The following LONRF2 variants were observed in gnomAD, a reference collection of about 807,000 sequenced individuals.
LONRF2 encodes the protein LON peptidase N-terminal domain and ring finger 2.
A neutral mutation model predicts 66.6 loss-of-function variants in LONRF2; 35 were observed. The observed-to-expected ratio is 0.53, with a 90% CI of 0.40 to 0.70. The LOEUF (loss-of-function observed/expected upper bound fraction) is 0.70. Ranked by LOEUF, LONRF2 falls within the 30% of genes least tolerant of loss-of-function variation. The pLI, the probability that LONRF2 is intolerant of heterozygous loss-of-function variation, is 0.00. For missense variants in LONRF2, 902 were observed against 1,002.1 expected, an observed-to-expected ratio of 0.90 and a Z score of 1.35; for synonymous variants, 417 against 418.1, an observed-to-expected ratio of 1.00 and a Z score of 0.03.
rs114077612 is a variant in LONRF2, at chr2:100,277,738, G to A, written c.*6560C>T. On this transcript the variant is annotated 3_prime_UTR_variant, in exon 12 of 12. Transcript: ENST00000393437. Reference sequence around the variant, plus strand: ...GCCAAAGTTAGGCAGTCGTCTTAACGCTGGATGCCCTGGTCAGCACAGCGC... The same window carrying A: ...GCCAAAGTTAGGCAGTCGTCTTAACACTGGATGCCCTGGTCAGCACAGCGC... 61 of 152,288 alleles carry A rather than the reference G, an allele frequency of 4.0e-4. No homozygotes were observed. Among genetic ancestry groups the A allele is most frequent in the African/African-American group, 1.3e-3 (54 of 41,562 alleles). 9.4% of individuals were successfully genotyped at this position (152,288 alleles called of 1,614,324 possible).
At position 100,276,956 on chromosome 2, in the gene LONRF2, A is replaced by G. The variant is rs935126834; in HGVS notation, c.*7342T>C. 1 of 152,200 alleles carries G rather than the reference A, an allele frequency of 6.6e-6. No individual in the cohort carries two copies. The highest frequency in any genetic ancestry group is 1.5e-5 in the Non-Finnish European group (1 of 68,042). The allele number at this position is 152,200 out of a possible 1,614,324, so 9.4% of individuals were successfully genotyped here. On this transcript the variant is annotated 3_prime_UTR_variant, in exon 12 of 12. Transcript: ENST00000393437. Reference sequence around the variant, plus strand: ...CACATCCGCCTTCTCCAGGAGCACAAATGAGGAAACTCATTGTCACACTCA... The same window carrying G: ...CACATCCGCCTTCTCCAGGAGCACAGATGAGGAAACTCATTGTCACACTCA...
At chr2:100,315,396 A>T (rs1675486943) in intron 1 of LONRF2, among the ~76,000 whole-genome samples, 1 of 152,174 alleles carries the variant, frequency 6.6e-6, no homozygotes, top group Non-Finnish European at 1.5e-5. Flanking sequence ...AAATAATGAC[A>T]GTTTTTTGTT....
In LONRF2 at chr2:100,294,234, G is replaced by T. The variant is rs369587155; in HGVS notation, c.1752C>A (p.His584Gln). 2.5e-6 allele frequency: 4 copies of T among 1,603,134 alleles called. No individual in the cohort carries two copies. The highest frequency in any genetic ancestry group is 1.7e-5 in the Admixed American group (1 of 57,214). ...KRFGMCLSAEHAGLSEYGCML... is the reference protein window; with the variant it reads ...KRFGMCLSAEQAGLSEYGCML... ...CAAATGCTAACAGTTCTTACCCCGC[G>T]TGCTCAGCAGATAAACACATGCCAA... The change falls in exon 9 of 12, where the codon CAC (histidine) becomes CAA (glutamine). Residue 584 changes from histidine to glutamine, a missense_variant. By Grantham distance (24) the His-to-Gln change is conservative. Around this residue, in one of 2 missense-constraint regions of LONRF2, gnomAD observed 317 missense variants for 432.2 expected, o/e 0.73. Coordinates refer to ENST00000393437, the MANE Select transcript of LONRF2 (RefSeq NM_198461.4).
intron 1 of LONRF2, among the ~76,000 whole-genome samples, chr2:100,311,541 G>A (rs976305641): frequency 1.3e-5 from 2 of 152,014 alleles, no homozygotes; most frequent in African/African-American, 2.4e-5. Flanking sequence ...AATGTCATGT[G>A]CAATTCACTC....
At chr2:100,295,128 G>A (rs1675038134) in intron 8 of LONRF2, among the ~76,000 whole-genome samples, 1 of 152,012 alleles carries the variant, frequency 6.6e-6, no homozygotes, top group Non-Finnish European at 1.5e-5. Flanking sequence ...AGGATTACAG[G>A]CATGAGCCAC....
chr2:100,284,755 G>C (rs1238777821), intron 11 of LONRF2, among the ~76,000 whole-genome samples: 1 of 152,236 alleles, frequency 6.6e-6, no homozygotes, highest in Non-Finnish European at 1.5e-5. Context: ...AGTTGCTTCT[G>C]TTCTCTCAAG....
rs11898641 is a variant in LONRF2, at chr2:100,278,700, T to C, written c.*5598A>G. On this transcript the variant is annotated 3_prime_UTR_variant, in exon 12 of 12. Coordinates refer to ENST00000393437, the MANE Select transcript of LONRF2 (RefSeq NM_198461.4). ...CCCACGTCTCACATCCCAGAAGACATTGCCCAGCCCAGCAGCTCACGGCTG... is the reference window on the plus strand; with the variant it reads ...CCCACGTCTCACATCCCAGAAGACACTGCCCAGCCCAGCAGCTCACGGCTG... 19,999 of 152,132 alleles carry C rather than the reference T, an allele frequency of 0.13. 1,538 individuals are homozygous for C. Among genetic ancestry groups the C allele is most frequent in the Non-Finnish European group, 0.16 (11,160 of 68,030 alleles). The allele number at this position is 152,132 out of a possible 1,614,324, so 9.4% of individuals were successfully genotyped here. A position where few individuals can be genotyped will look rare whatever the true frequency, so the allele number is the denominator to read the frequency against.
In LONRF2 at chr2:100,299,303, C is replaced by A; in HGVS notation, c.1284G>T (p.Arg428Ser). Residue 428 changes from arginine (R) to serine (S), a missense_variant, in exon 6 of 12, where the codon AGG becomes AGT. Arg to Ser is a moderately radical substitution (Grantham distance 110, BLOSUM62 -1). Around this residue, in one of 2 missense-constraint regions of LONRF2, gnomAD observed 585 missense variants for 569.9 expected, o/e 1.03. Coordinates refer to ENST00000393437, the MANE Select transcript of LONRF2 (RefSeq NM_198461.4). The stretch of plus-strand genomic sequence containing the variant: ...TTTCTTCTGTCTCAGAGTTTGGGCT[C>A]CTTTGAAGTGAGAGATCTGAATGCG... ...KIPKKDLSLQ[R>S]SPNSETEESQ... 1.3e-6 allele frequency: 2 copies of A among 1,579,116 alleles called. No individual in the cohort carries two copies. Among genetic ancestry groups the A allele is most frequent in the Non-Finnish European group, 1.7e-6 (2 of 1,163,040 alleles).
intron 2 of LONRF2, among the ~76,000 whole-genome samples, chr2:100,304,474 G>A (rs1675248484): frequency 6.6e-6 from 1 of 151,982 alleles, no homozygotes; most frequent in Non-Finnish European, 1.5e-5. Context: ...CCATCTCCCT[G>A]TTGAGATTGC....
intron 1 of LONRF2, among the ~76,000 whole-genome samples, chr2:100,316,003 T>C: frequency 6.6e-6 from 1 of 152,134 alleles, no homozygotes; most frequent in East Asian, 1.9e-4. Flanking sequence ...GATATCTGTA[T>C]TTTCATTATC....
At chr2:100,305,468 T>A (rs1324634627) in intron 2 of LONRF2, among the ~76,000 whole-genome samples, 2 of 152,274 alleles carry the variant, frequency 1.3e-5, no homozygotes, top group South Asian at 2.1e-4. Flanking sequence ...GATGGGTAAA[T>A]GTGAAGGTCT....
At chr2:100,286,266 T>A (rs1674843582) in intron 11 of LONRF2, among the ~76,000 whole-genome samples, 1 of 152,120 alleles carries the variant, frequency 6.6e-6, no homozygotes, top group South Asian at 2.1e-4. Context: ...CAGCTGAGCA[T>A]CCATGTACAG....
chr2:100,283,446 T>C lies in LONRF2; in HGVS notation c.*852A>G, dbSNP rs1226535244. On this transcript the variant is annotated 3_prime_UTR_variant, in exon 12 of 12. Transcript: ENST00000393437. ...GCAAATCCCAATAGAAAAAGATGAC[T>C]GTTTCCTAAATGCTTAGTAACCACT... 2.0e-5 allele frequency: 3 copies of C among 152,174 alleles called. No individual in the cohort carries two copies. Among genetic ancestry groups the C allele is most frequent in the Non-Finnish European group, 4.4e-5 (3 of 68,022 alleles). 9.4% of individuals were successfully genotyped at this position (152,174 alleles called of 1,614,324 possible). A position where few individuals can be genotyped will look rare whatever the true frequency, so the allele number is the denominator to read the frequency against.
intron 9 of LONRF2, among the ~76,000 whole-genome samples, chr2:100,292,832 G>C (rs1399456030): frequency 2.0e-5 from 3 of 152,106 alleles, no homozygotes; most frequent in Admixed American, 2.0e-4. Flanking sequence ...GAATGCAAAT[G>C]TGTTATTTTT....
In LONRF2 at chr2:100,319,353, AG is replaced by A. The variant is rs1427613326; in HGVS notation, c.679+2061del. On this transcript the variant is annotated intron_variant, in intron 1 of 11. Transcript: ENST00000393437. ...AGCCTATTTTAAAAACGTTTAAATT[AG>A]GTCTAATATATATACAGAAAAGCTA... 9.2e-5 allele frequency among the ~76,000 whole-genome samples: 14 copies of A among 152,344 alleles called. No individual in the cohort carries two copies. The East Asian group carries it at 2.5e-3, about 27-fold the overall frequency.
chr2:100,321,942 G>T lies in LONRF2; in HGVS notation c.152C>A (p.Ala51Asp). Residue 51 changes from alanine to aspartate, a missense_variant, in exon 1 of 12, where the codon GCC (alanine) becomes GAC (aspartate). This residue lies in a region of LONRF2 where 585 missense variants were observed against 569.9 expected (regional missense o/e 1.03). Coordinates refer to ENST00000393437, the MANE Select transcript of LONRF2 (RefSeq NM_198461.4). ...GCCGCGGTCCGGCTGCGCCAGCCCG[G>T]CTAGCATGGAGCGAAAGAGCTCGGC... Reference protein sequence around the residue: ...MAAELFRSMLAGLAQPDRGLC... With the variant: ...MAAELFRSMLDGLAQPDRGLC... 6.9e-7 allele frequency: 1 copy of T among 1,439,700 alleles called. No homozygotes were observed. The highest frequency in any genetic ancestry group is 2.5e-4 in the Middle Eastern group (1 of 3,944). 89.2% of individuals were successfully genotyped at this position (1,439,700 alleles called of 1,614,324 possible).
At position 100,279,885 on chromosome 2, in the gene LONRF2, C is replaced by T. The variant is rs1040652030; in HGVS notation, c.*4413G>A. On this transcript the variant is annotated 3_prime_UTR_variant, in exon 12 of 12. Transcript: ENST00000393437. ...AGTAGAGGGTCTGAGCCACGTTCCTCCTCACTCCTGCTTCTGCCTGTCTCC... is the reference window on the plus strand; with the variant it reads ...AGTAGAGGGTCTGAGCCACGTTCCTTCTCACTCCTGCTTCTGCCTGTCTCC... The T allele has an allele frequency of 6.6e-6, 1 of 152,366 alleles. No homozygotes were observed. The highest frequency in any genetic ancestry group is 2.4e-5 in the African/African-American group (1 of 41,456). The allele number at this position is 152,366 out of a possible 1,614,324, so 9.4% of individuals were successfully genotyped here.
chr2:100,319,429 T>A (rs1675578203), intron 1 of LONRF2, among the ~76,000 whole-genome samples: 1 of 152,188 alleles, frequency 6.6e-6, no homozygotes. Context: ...AACACACTTG[T>A]GTATCCATCC....
At chr2:100,295,120 G>T (rs11123822) in intron 8 of LONRF2, among the ~76,000 whole-genome samples, 59,415 of 151,748 alleles carry the variant, frequency 0.39, 12,327 homozygotes, top group East Asian at 0.49. Flanking sequence ...AAAATGCTAG[G>T]ATTACAGGCA....
Sources: gnomAD v4.1 joint callset for allele counts (sites outside exome capture counted in the v4.1 genomes callset) on GRCh38, gnomAD v4.1.1 for gene constraint, gnomAD v4.1.1 regional missense constraint, MANE v1.5 for transcripts, NCBI Gene and HGNC (gene_info 2026-07-23, HGNC 2026-07-21) for gene names.